Variants in GAB2 observed in about 807,000 individuals in gnomAD.
GAB2 encodes the protein GRB2 associated binding protein 2, also known as GRB2-associated-binding protein 2.
Under a neutral mutation model 65.5 loss-of-function variants are expected in GAB2, and 26 were observed. That is an observed-to-expected ratio of 0.40 (90% CI 0.29 to 0.55). The LOEUF (loss-of-function observed/expected upper bound fraction) is 0.55, where lower values mean the gene tolerates loss of function less well. GAB2 is among the 20% of genes least tolerant of loss of function. The pLI is 0.53. For missense variants in GAB2, 884 were observed against 875.8 expected, an observed-to-expected ratio of 1.01 and a Z score of -0.12; for synonymous variants, 321 against 329.6, an observed-to-expected ratio of 0.97 and a Z score of 0.28.
At chr11:78,251,749 C>G (rs1476506445) in intron 2 of GAB2, among the ~76,000 whole-genome samples, 1 of 152,176 alleles carries the variant, frequency 6.6e-6, no homozygotes, top group Non-Finnish European at 1.5e-5. Context: ...CTTGCTTCTT[C>G]TTCTGTGTGC....
At chr11:78,342,211 C>T (rs1461507084) in intron 1 of GAB2, among the ~76,000 whole-genome samples, 1 of 152,202 alleles carries the variant, frequency 6.6e-6, no homozygotes, top group Non-Finnish European at 1.5e-5. Context: ...ATCAACGGAT[C>T]TGCCCTGAAC....
At chr11:78,263,325 A>G (rs1214060675) in intron 2 of GAB2, among the ~76,000 whole-genome samples, 1 of 151,916 alleles carries the variant, frequency 6.6e-6, no homozygotes, top group Non-Finnish European at 1.5e-5. Context: ...GTTGGTCAGC[A>G]TACAGAATTT....
chr11:78,222,855 TTACAGGCG>T (rs1305443465), intron 6 of GAB2, among the ~76,000 whole-genome samples: 1 of 152,212 alleles, frequency 6.6e-6, no homozygotes. Context: ...AGTGTTGGGG[TTACAGGCG>T]TACAGGCGTG....
At chr11:78,241,390 C>G (rs185430834) in intron 3 of GAB2, among the ~76,000 whole-genome samples, 156 of 151,906 alleles carry the variant, frequency 1.0e-3, no homozygotes, top group African/African-American at 3.7e-3. Flanking sequence ...CATGAGGACA[C>G]AAGAAACACA....
chr11:78,380,882 C>A (rs1373022199), intron 1 of GAB2, among the ~76,000 whole-genome samples: 1 of 148,012 alleles, frequency 6.8e-6, no homozygotes, highest in African/African-American at 2.5e-5. Flanking sequence ...ATGTAGGAAT[C>A]TGTAACCAGT....
At chr11:78,331,277 C>T (rs375857246) in intron 1 of GAB2, among the ~76,000 whole-genome samples, 2 of 147,576 alleles carry the variant, frequency 1.4e-5, no homozygotes, top group Admixed American at 6.7e-5. Flanking sequence ...GATGGAGTCT[C>T]GCTCTGTTGC....
Position 78,250,269 on chromosome 11 carries a change from A to C in GAB2, c.508T>G (p.Phe170Val). The change falls in exon 3 of 10, where the codon TTC becomes GTC. Residue 170 changes from phenylalanine (F) to valine (V), a missense_variant. Coordinates refer to ENST00000361507, the MANE Select transcript of GAB2 (RefSeq NM_080491.3). ...APSHSSQPTL[F>V]TFEPPVSNHM... ...TTTGACACAGGGGGTTCAAACGTGA[A>C]CAGAGTTGGCTGGCTGGAGTGTGAT... 1 of 1,613,398 alleles carries C rather than the reference A, an allele frequency of 6.2e-7. No homozygotes were observed. The highest frequency in any genetic ancestry group is 1.1e-5 in the South Asian group (1 of 90,974).
intron 1 of GAB2, among the ~76,000 whole-genome samples, chr11:78,398,821 G>T (rs1345110744): frequency 6.6e-6 from 1 of 152,096 alleles, no homozygotes; most frequent in African/African-American, 2.4e-5. Context: ...GTCAGAAAAT[G>T]TACAAGATAA....
At chr11:78,307,691 T>A (rs185385235) in intron 1 of GAB2, among the ~76,000 whole-genome samples, 2 of 151,920 alleles carry the variant, frequency 1.3e-5, no homozygotes, top group Admixed American at 1.3e-4. Flanking sequence ...TTGTAACATT[T>A]TAAGTTTATA....
chr11:78,374,640 T>A (rs1856610814), intron 1 of GAB2, among the ~76,000 whole-genome samples: 1 of 152,222 alleles, frequency 6.6e-6, no homozygotes, highest in Non-Finnish European at 1.5e-5. Flanking sequence ...ATGAATACTA[T>A]CCCTATCTTT....
chr11:78,352,537 C>A (rs970750009), intron 1 of GAB2, among the ~76,000 whole-genome samples: 1 of 152,188 alleles, frequency 6.6e-6, no homozygotes, highest in Admixed American at 6.5e-5. Flanking sequence ...ACCAAATAGC[C>A]ATTTCTCCCT....
chr11:78,221,525 C>G (rs370547834), intron 8 of GAB2, 152 bp downstream of exon 8: 2 of 438,878 alleles, frequency 4.6e-6, no homozygotes, highest in Admixed American at 7.5e-5. Context: ...TAAACAGGTG[C>G]TCAAGAAGGG....
chr11:78,318,295 A>G (rs1855652441), intron 1 of GAB2: 1 of 149,102 alleles, frequency 6.7e-6, no homozygotes. Flanking sequence ...TGCACTAGTC[A>G]GGGTCCTGGA....
chr11:78,245,071 T>C (rs1231174222), intron 3 of GAB2, among the ~76,000 whole-genome samples: 1 of 152,004 alleles, frequency 6.6e-6, no homozygotes, highest in African/African-American at 2.4e-5. Context: ...ATAAAGAAAA[T>C]GTAGTATGAG....
chr11:78,254,338 A>G (rs1463492719), intron 2 of GAB2, among the ~76,000 whole-genome samples: 1 of 152,206 alleles, frequency 6.6e-6, no homozygotes, highest in Non-Finnish European at 1.5e-5. Flanking sequence ...CCCTGGCGCA[A>G]AAATCCAAAT....
intron 3 of GAB2, among the ~76,000 whole-genome samples, chr11:78,240,983 T>C (rs1433768817): frequency 2.0e-5 from 3 of 152,172 alleles, no homozygotes; most frequent in African/African-American, 7.2e-5. Flanking sequence ...CAAGCACCAG[T>C]ACCTAGAACC....
chr11:78,276,256 T>C (rs1416669392), intron 2 of GAB2, among the ~76,000 whole-genome samples: 1 of 152,012 alleles, frequency 6.6e-6, no homozygotes, highest in African/African-American at 2.4e-5. Context: ...GCTGTGATTA[T>C]GCCACTATAT....
intron 1 of GAB2, among the ~76,000 whole-genome samples, chr11:78,372,396 A>G (rs924104188): frequency 1.3e-5 from 2 of 152,250 alleles, no homozygotes; most frequent in African/African-American, 2.4e-5. Context: ...ATGACATAGT[A>G]AAGAGTAAGT....
intron 1 of GAB2, among the ~76,000 whole-genome samples, chr11:78,356,166 C>A: frequency 7.1e-6 from 1 of 141,694 alleles, no homozygotes; most frequent in Admixed American, 7.4e-5. Flanking sequence ...GAGCAAGACT[C>A]CATCTCAAAA....
Sources: gnomAD v4.1 joint callset for allele counts (sites outside exome capture counted in the v4.1 genomes callset) on GRCh38, gnomAD v4.1.1 for gene constraint, MANE v1.5 for transcripts, NCBI Gene and HGNC (gene_info 2026-07-23, HGNC 2026-07-21) for gene names.